Variants in ZFPM2 observed in about 807,000 individuals in gnomAD.
ZFPM2 encodes the protein zinc finger protein, FOG family member 2.
ZFPM2 carries 20 observed loss-of-function variants against 98.6 expected under a neutral mutation model. The observed-to-expected ratio is 0.20, with a 90% confidence interval of 0.14 to 0.29. The LOEUF (loss-of-function observed/expected upper bound fraction) is 0.29. Among genes scored for constraint, ZFPM2 ranks in the 10% least tolerant of loss-of-function variants. The pLI, the probability that ZFPM2 is intolerant of heterozygous loss-of-function variation, is 1.00. For synonymous variants in ZFPM2, 518 were observed against 502.7 expected (o/e 1.03, Z -0.41); for missense variants, 1,310 against 1,388.6 (o/e 0.94, Z 0.90).
chr8:105,778,624 TAACTA>T (rs1813166315), intron 5 of ZFPM2, among the ~76,000 whole-genome samples: 2 of 152,288 alleles, frequency 1.3e-5, no homozygotes, highest in Admixed American at 1.3e-4. Context: ...TAATCGTCAT[TAACTA>T]AGTGCTTGTC....
At chr8:105,405,387 G>A (rs1054870299) in intron 1 of ZFPM2, among the ~76,000 whole-genome samples, 5 of 151,292 alleles carry the variant, frequency 3.3e-5, no homozygotes, top group Admixed American at 6.6e-5. Flanking sequence ...CCATTAACTC[G>A]TCATTTAGCA....
chr8:105,450,180 T>A (rs1812457715), intron 3 of ZFPM2, among the ~76,000 whole-genome samples: 1 of 152,112 alleles, frequency 6.6e-6, no homozygotes, highest in African/African-American at 2.4e-5. Flanking sequence ...ATACAGATGA[T>A]CAGGCAAGTT....
chr8:105,441,452 G>GAAAGAAAGAAAGAA (rs1554604939), intron 2 of ZFPM2, among the ~76,000 whole-genome samples: 3 of 38,952 alleles, frequency 7.7e-5, no homozygotes, highest in Non-Finnish European at 1.3e-4. Flanking sequence ...GAGAGAGAGA[G>GAAAGAAAGAAAGAA]AGAAAGAAAG....
intron 3 of ZFPM2, among the ~76,000 whole-genome samples, chr8:105,445,713 T>C (rs192168786): frequency 6.6e-6 from 1 of 151,670 alleles, no homozygotes; most frequent in East Asian, 1.9e-4. Context: ...CAAGTGATCC[T>C]CCCACCTCAG....
At chr8:105,749,585 G>C (rs984010528) in intron 5 of ZFPM2, among the ~76,000 whole-genome samples, 5 of 151,944 alleles carry the variant, frequency 3.3e-5, no homozygotes, top group African/African-American at 9.7e-5. Context: ...TCTAGGACTG[G>C]GAGCTCTCTT....
chr8:105,657,538 A>C (rs2130880374), intron 5 of ZFPM2, among the ~76,000 whole-genome samples: 1 of 152,316 alleles, frequency 6.6e-6, no homozygotes, highest in East Asian at 1.9e-4. Flanking sequence ...ACTGCATTGG[A>C]AAAATGCATG....
chr8:105,404,246 C>T (rs1485939924), intron 1 of ZFPM2, among the ~76,000 whole-genome samples: 1 of 152,084 alleles, frequency 6.6e-6, no homozygotes, highest in Non-Finnish European at 1.5e-5. Context: ...AAGAGAGTGG[C>T]TTTGCGGCTT....
intron 5 of ZFPM2, among the ~76,000 whole-genome samples, chr8:105,671,113 GAAATAA>G (rs1296436898): frequency 4.6e-5 from 7 of 151,890 alleles, no homozygotes; most frequent in African/African-American, 1.7e-4. Context: ...CAGGGAACTA[GAAATAA>G]AAATAGTGGC....
At chr8:105,785,824 C>T (rs1422951881) in intron 5 of ZFPM2, among the ~76,000 whole-genome samples, 3 of 151,978 alleles carry the variant, frequency 2.0e-5, no homozygotes, top group East Asian at 3.9e-4. Flanking sequence ...GGGTGGATCA[C>T]GATGTCAGGA....
At chr8:105,563,241 T>A (rs1815176506) in intron 4 of ZFPM2, among the ~76,000 whole-genome samples, 1 of 152,210 alleles carries the variant, frequency 6.6e-6, no homozygotes, top group Admixed American at 6.5e-5. Context: ...AAGAAATTGA[T>A]ACATGTGGAT....
chr8:105,794,928 G>C (rs559096691), intron 6 of ZFPM2, among the ~76,000 whole-genome samples: 1 of 152,162 alleles, frequency 6.6e-6, no homozygotes, highest in African/African-American at 2.4e-5. Context: ...TTTTAAGCCT[G>C]TCGGAAAATC....
intron 5 of ZFPM2, among the ~76,000 whole-genome samples, chr8:105,680,857 C>A (rs1563518804): frequency 6.6e-6 from 1 of 151,666 alleles, no homozygotes; most frequent in Non-Finnish European, 1.5e-5. Flanking sequence ...AAAATTATTC[C>A]ATTTATTCGT....
chr8:105,455,487 G>C (rs988518421), intron 3 of ZFPM2, among the ~76,000 whole-genome samples: 1 of 150,964 alleles, frequency 6.6e-6, no homozygotes, highest in Non-Finnish European at 1.5e-5. Context: ...GCAGGGTTCA[G>C]ATTCTTCAGT....
At chr8:105,530,899 G>T (rs1468092166) in intron 3 of ZFPM2, among the ~76,000 whole-genome samples, 1 of 152,076 alleles carries the variant, frequency 6.6e-6, no homozygotes, top group African/African-American at 2.4e-5. Flanking sequence ...ATGTTAGACT[G>T]ATGTTTAAAT....
intron 1 of ZFPM2, among the ~76,000 whole-genome samples, chr8:105,375,153 GA>G (rs537061830): frequency 6.6e-6 from 1 of 151,728 alleles, no homozygotes; most frequent in African/African-American, 2.4e-5. Context: ...GCCTGGATAG[GA>G]AAAAAACAAA....
chr8:105,599,760 T>C (rs1042654895), intron 4 of ZFPM2, among the ~76,000 whole-genome samples: 6 of 152,128 alleles, frequency 3.9e-5, no homozygotes, highest in Non-Finnish European at 8.8e-5. Context: ...TTCCAAATTA[T>C]CTGGAACAGG....
intron 4 of ZFPM2, among the ~76,000 whole-genome samples, chr8:105,590,557 T>C (rs1471025317): frequency 6.6e-6 from 1 of 152,212 alleles, no homozygotes; most frequent in Non-Finnish European, 1.5e-5. Flanking sequence ...TAGGCATAGA[T>C]AAAGGTGTTT....
chr8:105,370,700 T>C (rs1436808176), intron 1 of ZFPM2, among the ~76,000 whole-genome samples: 1 of 152,242 alleles, frequency 6.6e-6, no homozygotes, highest in Non-Finnish European at 1.5e-5. Flanking sequence ...TATTGAAGAC[T>C]TTCTTTGTGT....
intron 3 of ZFPM2, among the ~76,000 whole-genome samples, chr8:105,534,893 A>G (rs1352237210): frequency 6.6e-6 from 1 of 152,160 alleles, no homozygotes; most frequent in Non-Finnish European, 1.5e-5. Flanking sequence ...GGGGGGAGTC[A>G]GGGGTATGCT....
Sources: allele counts gnomAD v4.1 joint callset (sites outside exome capture counted in the v4.1 genomes callset), GRCh38; gene constraint gnomAD v4.1.1; transcripts MANE v1.5; gene names NCBI Gene and HGNC (gene_info 2026-07-23, HGNC 2026-07-21).